Variants in NEK11 observed in about 807,000 individuals in gnomAD.
NEK11 encodes the protein NIMA related kinase 11.
NEK11 carries 72 observed loss-of-function variants against 80.7 expected under a neutral mutation model. The ratio of observed to expected loss-of-function variants is 0.89; its 90% CI spans 0.74 to 1.08. NEK11 has a LOEUF of 1.08. NEK11 is among the 50% of genes least tolerant of loss of function. The pLI is 0.00. For synonymous variants in NEK11, 251 were observed against 260.7 expected (o/e 0.96, Z 0.36); for missense variants, 764 against 763.6 (o/e 1.00, Z -0.01).
intron 4 of NEK11, among the ~76,000 whole-genome samples, chr3:131,087,489 A>G (rs2076149973): frequency 2.0e-5 from 3 of 152,018 alleles, no homozygotes; most frequent in South Asian, 2.1e-4. Flanking sequence ...TGATCCGCCC[A>G]CGTCAGCCTC....
rs113166488 is a variant in NEK11 at position 131,133,973 on chromosome 3, G to A, written c.647+17G>A. On this transcript the variant is annotated intron_variant, in intron 7 of 17. Coordinates refer to ENST00000383366, the MANE Select transcript of NEK11 (RefSeq NM_024800.5). ...GGACATCTGGTGAGTGGGCTAGTGG[G>A]CTAGACTCTTCATCTGCTTCCCTAA... is the stretch of plus-strand genomic sequence containing the variant. The A allele has an allele frequency of 2.6e-3, 4,169 of 1,574,872 alleles. 89 individuals are homozygous for A. The African/African-American group carries it at 0.051, about 19-fold the overall frequency.
chr3:131,182,784 CTT>C (rs991093600), intron 14 of NEK11, among the ~76,000 whole-genome samples: 17 of 152,130 alleles, frequency 1.1e-4, no homozygotes, highest in Non-Finnish European at 4.4e-5. Flanking sequence ...ATCAAAGAGA[CTT>C]TACCCTTTTT....
At chr3:131,245,401 A>G (rs537061152) in intron 16 of NEK11, among the ~76,000 whole-genome samples, 9 of 152,138 alleles carry the variant, frequency 5.9e-5, no homozygotes, top group African/African-American at 1.9e-4. Flanking sequence ...TAGTGCTGCA[A>G]TAAACATAAA....
At chr3:131,140,088 T>A (rs1340724740) in intron 7 of NEK11, among the ~76,000 whole-genome samples, 1 of 152,218 alleles carries the variant, frequency 6.6e-6, no homozygotes, top group African/African-American at 2.4e-5. Flanking sequence ...TTTTATAATG[T>A]GATGTTGACA....
At chr3:131,206,663 TTTTA>T (rs1477291685) in intron 14 of NEK11, among the ~76,000 whole-genome samples, 2 of 151,920 alleles carry the variant, frequency 1.3e-5, no homozygotes, top group Admixed American at 6.5e-5. Flanking sequence ...ACATGCATTG[TTTTA>T]TTTATTTATT....
chr3:131,032,378 C>T (rs1167386652), intron 3 of NEK11, among the ~76,000 whole-genome samples: 2 of 152,212 alleles, frequency 1.3e-5, no homozygotes, highest in African/African-American at 4.8e-5. Flanking sequence ...CAATGGACTG[C>T]TAAAGCTAGG....
chr3:131,345,807 A>G lies in NEK11; in HGVS notation c.1719-3750A>G, dbSNP rs866490857. Among the ~76,000 whole-genome samples, 6 of 152,334 alleles carry G rather than the reference A, an allele frequency of 3.9e-5. No individual in the cohort carries two copies. In the South Asian group the frequency reaches 1.2e-3, roughly 32 times the overall value. ...TCTATCAATGGAGAAGTGGATAAAG[A>G]AAGTGTGGCATATATATACAATGGA... On this transcript the variant is annotated intron_variant, in intron 17 of 17. Coordinates refer to ENST00000383366, the MANE Select transcript of NEK11 (RefSeq NM_024800.5).
At chr3:131,252,301 C>G (rs2095719043) in intron 16 of NEK11, among the ~76,000 whole-genome samples, 1 of 152,090 alleles carries the variant, frequency 6.6e-6, no homozygotes, top group Non-Finnish European at 1.5e-5. Context: ...CAGAGCATGT[C>G]AAGATATGTA....
intron 14 of NEK11, among the ~76,000 whole-genome samples, chr3:131,222,738 C>A (rs1479168061): frequency 6.6e-6 from 1 of 152,226 alleles, no homozygotes; most frequent in Non-Finnish European, 1.5e-5. Context: ...GCAGCATCAG[C>A]ATCAGCTGGG....
chr3:131,101,184 C>G (rs1482862946), intron 4 of NEK11, among the ~76,000 whole-genome samples: 1 of 152,002 alleles, frequency 6.6e-6, no homozygotes, highest in African/African-American at 2.4e-5. Context: ...AGAACCAACT[C>G]TTGGTGTCAC....
chr3:131,102,054 T>A (rs1314195782), intron 4 of NEK11, among the ~76,000 whole-genome samples: 2 of 152,240 alleles, frequency 1.3e-5, no homozygotes, highest in Non-Finnish European at 2.9e-5. Flanking sequence ...TGCTCTTTTT[T>A]GTTTTTTTGT....
chr3:131,063,719 GA>G (rs1468525679), intron 3 of NEK11, among the ~76,000 whole-genome samples: 1 of 152,086 alleles, frequency 6.6e-6, no homozygotes, highest in Non-Finnish European at 1.5e-5. Flanking sequence ...AGTAGTATTT[GA>G]AAAATGATTA....
chr3:131,179,669 C>G (rs2093239688), intron 14 of NEK11, among the ~76,000 whole-genome samples: 1 of 152,094 alleles, frequency 6.6e-6, no homozygotes, highest in African/African-American at 2.4e-5. Context: ...GAAAATGAGT[C>G]AAGTCTTAAA....
At chr3:131,098,876 T>TA (rs1205818883) in intron 4 of NEK11, among the ~76,000 whole-genome samples, 1 of 152,142 alleles carries the variant, frequency 6.6e-6, no homozygotes, top group Non-Finnish European at 1.5e-5. Flanking sequence ...TTCTGGATAT[T>TA]AAACGTTTGT....
At position 131,099,144 on chromosome 3, in the gene NEK11, T is replaced by A. The variant is rs77742989; in HGVS notation, c.337-10659T>A. On this transcript the variant is annotated intron_variant, in intron 4 of 17. Transcript: ENST00000383366. ...ATCTTTGATCAATCTTGAGTTAATTTTTGTATGTGGTAAAAGGTAAGGGTC... is the reference window on the plus strand; with the variant it reads ...ATCTTTGATCAATCTTGAGTTAATTATTGTATGTGGTAAAAGGTAAGGGTC... Among the ~76,000 whole-genome samples the A allele has an allele frequency of 3.5e-3, 537 of 152,338 alleles. 1 individual carries two copies. The highest frequency in any genetic ancestry group is 0.012 in the African/African-American group (509 of 41,578).
chr3:131,143,122 A>G (rs2087331614), intron 7 of NEK11, among the ~76,000 whole-genome samples: 1 of 152,146 alleles, frequency 6.6e-6, no homozygotes, highest in Non-Finnish European at 1.5e-5. Flanking sequence ...GCTGGTGGCT[A>G]TTGTTTGTAG....
rs536996140 is a variant in NEK11, at chr3:131,206,167, G to T, written c.1400-22361G>T. ...CTGGTTCTGTCCATGGTGGGCATCA[G>T]TGTCTTCACCCAAATAGTCAGGCTC... On this transcript the variant is annotated intron_variant, in intron 14 of 17. Coordinates refer to ENST00000383366, the MANE Select transcript of NEK11 (RefSeq NM_024800.5). Among the ~76,000 whole-genome samples the T allele has an allele frequency of 3.3e-5, 5 of 152,306 alleles. No homozygotes were observed. In the South Asian group the frequency reaches 1.0e-3, roughly 32 times the overall value.
intron 3 of NEK11, among the ~76,000 whole-genome samples, chr3:131,037,829 C>G (rs2065881870): frequency 6.6e-6 from 1 of 152,062 alleles, no homozygotes. Flanking sequence ...TTTAATGAGT[C>G]CAACTTTGAA....
intron 15 of NEK11, among the ~76,000 whole-genome samples, chr3:131,238,231 C>T (rs1347210348): frequency 6.6e-6 from 1 of 152,206 alleles, no homozygotes; most frequent in Non-Finnish European, 1.5e-5. Flanking sequence ...AGAATCCCCT[C>T]TTTCCTCTCC....
Sources: gnomAD v4.1 joint callset for allele counts (sites outside exome capture counted in the v4.1 genomes callset) on GRCh38, gnomAD v4.1.1 for gene constraint, MANE v1.5 for transcripts, NCBI Gene and HGNC (gene_info 2026-07-23, HGNC 2026-07-21) for gene names.